The following PTPRD variants were observed in gnomAD, a reference collection of about 807,000 sequenced individuals.
PTPRD encodes protein tyrosine phosphatase receptor type D.
In PTPRD, 34 loss-of-function variants were observed where a neutral mutation model predicts 214.5. That is an observed-to-expected ratio of 0.16 (90% CI 0.12 to 0.21). PTPRD has a LOEUF of 0.21. PTPRD is among the 10% of genes least tolerant of loss of function. The pLI, the probability that PTPRD is intolerant of heterozygous loss-of-function variation, is 1.00. For missense variants in PTPRD, 2,545 were observed against 2,398.7 expected (o/e 1.06, Z -1.27); for synonymous variants, 1,128 against 845.7 (o/e 1.33, Z -5.79).
At chr9:9,620,220 T>C (rs142853708) in intron 7 of PTPRD, among the ~76,000 whole-genome samples, 18 of 152,164 alleles carry the variant, frequency 1.2e-4, no homozygotes, top group Admixed American at 1.0e-3. Context: ...AATGTTGAAA[T>C]TGCAGAGAAA....
chr9:10,041,425 G>C (rs1589542744), intron 3 of PTPRD, among the ~76,000 whole-genome samples: 1 of 151,922 alleles, frequency 6.6e-6, no homozygotes, highest in Admixed American at 6.6e-5. Context: ...GTAGTTTTCT[G>C]AGTAGGTCAA....
intron 2 of PTPRD, among the ~76,000 whole-genome samples, chr9:10,528,197 G>A (rs916101661): frequency 1.3e-5 from 2 of 152,058 alleles, no homozygotes; most frequent in African/African-American, 4.8e-5. Context: ...CTCATCATGA[G>A]GCCACAGAAA....
intron 9 of PTPRD, among the ~76,000 whole-genome samples, chr9:9,186,466 C>T (rs1171994657): frequency 6.6e-6 from 1 of 152,020 alleles, no homozygotes; most frequent in African/African-American, 2.4e-5. Flanking sequence ...AGAAAGCTAG[C>T]TGGGCATTGT....
At chr9:9,710,077 T>C (rs2097697397) in intron 7 of PTPRD, among the ~76,000 whole-genome samples, 2 of 152,118 alleles carry the variant, frequency 1.3e-5, no homozygotes. Context: ...GTCTCTGCCA[T>C]TCTTACCATG....
At chr9:8,628,541 T>C (rs774429384) in intron 14 of PTPRD, among the ~76,000 whole-genome samples, 5 of 150,400 alleles carry the variant, frequency 3.3e-5, no homozygotes, top group Non-Finnish European at 3.0e-5. Context: ...TGTCAATGAA[T>C]CACGGAAAGC....
intron 3 of PTPRD, among the ~76,000 whole-genome samples, chr9:10,213,286 C>A (rs967130805): frequency 1.3e-5 from 2 of 152,054 alleles, no homozygotes; most frequent in Non-Finnish European, 2.9e-5. Flanking sequence ...TTATAACAAT[C>A]TACTCCTGAA....
chr9:10,053,770 T>G (rs953848011), intron 3 of PTPRD, among the ~76,000 whole-genome samples: 1 of 151,918 alleles, frequency 6.6e-6, no homozygotes, highest in East Asian at 1.9e-4. Flanking sequence ...CTTCGCAACT[T>G]TTTTTTTGGC....
At chr9:10,533,351 T>C (rs947661149) in intron 2 of PTPRD, among the ~76,000 whole-genome samples, 34 of 152,168 alleles carry the variant, frequency 2.2e-4, no homozygotes, top group African/African-American at 7.7e-4. Flanking sequence ...ACATCACTTA[T>C]GTATTTAGCA....
At chr9:10,417,165 T>A (rs16925970) in intron 2 of PTPRD, among the ~76,000 whole-genome samples, 4,054 of 151,936 alleles carry the variant, frequency 0.027, 161 homozygotes, top group African/African-American at 0.092. Flanking sequence ...GGCAAGAATT[T>A]CTCTCCTAGG....
chr9:8,588,221 C>G (rs1209664458), intron 14 of PTPRD, among the ~76,000 whole-genome samples: 2 of 152,190 alleles, frequency 1.3e-5, no homozygotes, highest in Non-Finnish European at 2.9e-5. Flanking sequence ...TACAGAAGAG[C>G]TTCATTAACT....
intron 10 of PTPRD, among the ~76,000 whole-genome samples, chr9:9,057,687 G>C (rs2099698883): frequency 6.6e-6 from 1 of 152,004 alleles, no homozygotes; most frequent in African/African-American, 2.4e-5. Context: ...ATATGAGAAA[G>C]GTGTGAGGGT....
At chr9:8,956,150 G>C (rs949311184) in intron 11 of PTPRD, among the ~76,000 whole-genome samples, 12 of 151,850 alleles carry the variant, frequency 7.9e-5, no homozygotes, top group African/African-American at 2.7e-4. Context: ...TGACCTCCCA[G>C]TGTGAACAAA....
At chr9:9,330,043 T>C (rs2041718805) in intron 9 of PTPRD, among the ~76,000 whole-genome samples, 1 of 152,148 alleles carries the variant, frequency 6.6e-6, no homozygotes. Context: ...AAATTTAGGA[T>C]GGCGGATTGG....
chr9:10,141,076 A>G (rs2098981296), intron 3 of PTPRD, among the ~76,000 whole-genome samples: 2 of 152,114 alleles, frequency 1.3e-5, no homozygotes, highest in South Asian at 4.1e-4. Flanking sequence ...TTCTCAATAA[A>G]TTAGGTATTG....
At chr9:10,259,698 C>G (rs1264454572) in intron 3 of PTPRD, among the ~76,000 whole-genome samples, 2 of 152,112 alleles carry the variant, frequency 1.3e-5, no homozygotes, top group Non-Finnish European at 2.9e-5. Context: ...ACTTTAGTTC[C>G]TCAACAAATA....
chr9:9,787,908 A>G (rs1363654382), intron 5 of PTPRD, among the ~76,000 whole-genome samples: 11 of 151,782 alleles, frequency 7.2e-5, no homozygotes, highest in Non-Finnish European at 2.9e-5. Flanking sequence ...TAGCCTCCTA[A>G]GTAGCTGGGA....
chr9:9,748,009 G>A (rs1006063913), intron 6 of PTPRD, among the ~76,000 whole-genome samples: 1 of 152,112 alleles, frequency 6.6e-6, no homozygotes, highest in Non-Finnish European at 1.5e-5. Context: ...ATTAGATCAC[G>A]TGGAGATCAC....
intron 6 of PTPRD, among the ~76,000 whole-genome samples, chr9:9,742,533 T>C (rs996058436): frequency 6.6e-6 from 1 of 152,170 alleles, no homozygotes; most frequent in African/African-American, 2.4e-5. Context: ...TTCATACCTT[T>C]TGAGAATGAG....
At chr9:8,922,823 T>A (rs2098837092) in intron 11 of PTPRD, among the ~76,000 whole-genome samples, 1 of 150,732 alleles carries the variant, frequency 6.6e-6, no homozygotes, top group Non-Finnish European at 1.5e-5. Context: ...ATTTTTTTTT[T>A]TTTTTGTATT....
Sources: gnomAD v4.1 joint callset for allele counts (sites outside exome capture counted in the v4.1 genomes callset) on GRCh38, gnomAD v4.1.1 for gene constraint, MANE v1.5 for transcripts, NCBI Gene and HGNC (gene_info 2026-07-23, HGNC 2026-07-21) for gene names.